The following DOCK10 variants were observed in gnomAD, a reference collection of about 807,000 sequenced individuals.
DOCK10 encodes the protein dedicator of cytokinesis 10.
DOCK10 carries 145 observed loss-of-function variants against 280.1 expected under a neutral mutation model. The observed-to-expected ratio is 0.52, with a 90% CI of 0.45 to 0.59. DOCK10 has a LOEUF of 0.59. Among genes scored for constraint, DOCK10 ranks in the 20% least tolerant of loss-of-function variants. The probability of loss-of-function intolerance (pLI) is 0.00; values close to 1 mark genes in which losing one functional copy is unlikely to be tolerated. For synonymous variants in DOCK10, 915 were observed against 942.2 expected, an observed-to-expected ratio of 0.97 and a Z score of 0.53; for missense variants, 2,368 against 2,651.7, an observed-to-expected ratio of 0.89 and a Z score of 2.35.
rs1690451349 is a variant in DOCK10, at chr2:225,042,181, G to A, written c.123+71C>T. On this transcript the variant is annotated intron_variant, in intron 1 of 55. Transcript: ENST00000258390. The surrounding 1 kb of genome is among the most constrained non-coding windows in gnomAD (Gnocchi z 5.1). ...GGGACCTGGGCCCGCCGAGCTTTTGGGGAAGCTGGGCTCCGTTCCCCCCGG... is the reference window on the plus strand; with the variant it reads ...GGGACCTGGGCCCGCCGAGCTTTTGAGGAAGCTGGGCTCCGTTCCCCCCGG... 8.2e-7 allele frequency: 1 copy of A among 1,215,200 alleles called. No individual in the cohort carries two copies. Among genetic ancestry groups the A allele is most frequent in the Non-Finnish European group, 1.0e-6 (1 of 976,756 alleles). 75.3% of individuals were successfully genotyped at this position (1,215,200 alleles called of 1,614,324 possible). A position where few individuals can be genotyped will look rare whatever the true frequency, so the allele number is the denominator to read the frequency against.
At chr2:224,954,440 A>C (rs1703930725) in intron 1 of DOCK10, among the ~76,000 whole-genome samples, 2 of 152,186 alleles carry the variant, frequency 1.3e-5, no homozygotes, top group South Asian at 4.1e-4. Context: ...GCATTTAGTT[A>C]ATCACCCTTT....
intron 1 of DOCK10, among the ~76,000 whole-genome samples, chr2:225,021,233 AC>A (rs1689776875): frequency 6.6e-6 from 1 of 152,316 alleles, no homozygotes; most frequent in South Asian, 2.1e-4. Context: ...CAAACAAAAA[AC>A]AAACAGAACC....
intron 31 of DOCK10, 58 bp downstream of exon 31, chr2:224,814,262 G>T: frequency 1.9e-6 from 2 of 1,048,686 alleles, no homozygotes; most frequent in Non-Finnish European, 2.7e-6. Flanking sequence ...ATTTATAGTT[G>T]TCAATATTAT....
chr2:224,854,840 TAACCAACCAACTAGCCAACC>T (rs1411528010), intron 16 of DOCK10, 103 bp downstream of exon 16: 18 of 637,960 alleles, frequency 2.8e-5, no homozygotes, highest in African/African-American at 2.0e-4. Context: ...CAAAACCTTG[TAACCAACCAACTAGCCAACC>T]AACCAACCAA....
intron 40 of DOCK10, among the ~76,000 whole-genome samples, chr2:224,801,155 G>C (rs1277849528): frequency 6.6e-6 from 1 of 151,840 alleles, no homozygotes; most frequent in East Asian, 1.9e-4. Context: ...GACTGAAAAA[G>C]GTGCCAGACT....
At chr2:224,972,646 A>G (rs1025209491) in intron 1 of DOCK10, among the ~76,000 whole-genome samples, 2 of 152,196 alleles carry the variant, frequency 1.3e-5, no homozygotes, top group African/African-American at 4.8e-5. Flanking sequence ...CTGAACTTAA[A>G]ATGCATTCTC....
At chr2:224,959,915 G>C (rs1466304915) in intron 1 of DOCK10, among the ~76,000 whole-genome samples, 1 of 152,094 alleles carries the variant, frequency 6.6e-6, no homozygotes, top group African/African-American at 2.4e-5. Flanking sequence ...TCATCTGCTG[G>C]AGAAAAAGGC....
At chr2:224,961,268 G>A (rs182473198) in intron 1 of DOCK10, among the ~76,000 whole-genome samples, 298 of 152,254 alleles carry the variant, frequency 2.0e-3, no homozygotes, top group Middle Eastern at 6.8e-3. Context: ...GAAATGCTGC[G>A]TTGAACAAAG....
At chr2:224,989,384 A>G (rs1706067344) in intron 1 of DOCK10, among the ~76,000 whole-genome samples, 1 of 152,236 alleles carries the variant, frequency 6.6e-6, no homozygotes, top group Non-Finnish European at 1.5e-5. Context: ...AGAAATGATT[A>G]GTGGAATGAA....
intron 3 of DOCK10, among the ~76,000 whole-genome samples, chr2:224,910,133 G>A (rs1057496597): frequency 4.6e-5 from 7 of 152,182 alleles, no homozygotes; most frequent in African/African-American, 1.7e-4. Context: ...ACAGTGAGCC[G>A]CAGGGCAATG....
intron 1 of DOCK10, among the ~76,000 whole-genome samples, chr2:225,014,159 T>A (rs1420769034): frequency 1.4e-5 from 2 of 145,300 alleles, no homozygotes; most frequent in South Asian, 2.3e-4. Flanking sequence ...TTTAGCTGAA[T>A]CAAAAGTCCC....
At chr2:224,834,012 C>T (rs1034086741) in intron 26 of DOCK10, 138 bp downstream of exon 26, 5 of 608,344 alleles carry the variant, frequency 8.2e-6, no homozygotes, top group Non-Finnish European at 1.5e-5. Flanking sequence ...TCTTTATATG[C>T]TAAGTTTCAA....
At chr2:224,839,136 T>C (rs1695783631) in intron 24 of DOCK10, among the ~76,000 whole-genome samples, 1 of 151,982 alleles carries the variant, frequency 6.6e-6, no homozygotes. Flanking sequence ...TGGAGTGCAG[T>C]GGTGCAATCT....
intron 11 of DOCK10, among the ~76,000 whole-genome samples, chr2:224,872,088 A>G (rs1244644278): frequency 2.6e-5 from 4 of 152,220 alleles, no homozygotes; most frequent in African/African-American, 7.2e-5. Context: ...CCTAGTACAC[A>G]GTCAAAGTTA....
At chr2:224,783,696 TC>T (rs1559391258) in intron 50 of DOCK10, among the ~76,000 whole-genome samples, 1 of 140,976 alleles carries the variant, frequency 7.1e-6, no homozygotes, top group African/African-American at 2.7e-5. Flanking sequence ...TTGCAAGGGC[TC>T]CCCCCAATAC....
chr2:224,980,773 AGCTGTGT>A (rs1427276706), intron 1 of DOCK10, among the ~76,000 whole-genome samples: 12 of 152,204 alleles, frequency 7.9e-5, no homozygotes, highest in African/African-American at 2.9e-4. Context: ...GGTATTTAGC[AGCTGTGT>A]AATGTTAAGA....
intron 22 of DOCK10, among the ~76,000 whole-genome samples, 159 bp downstream of exon 22, chr2:224,844,594 G>A (rs1455735090): frequency 6.6e-6 from 1 of 152,100 alleles, no homozygotes; most frequent in African/African-American, 2.4e-5. Flanking sequence ...TCTTGAGGGA[G>A]GCATCAAATT....
chr2:224,842,376 T>C (rs1211568388), intron 22 of DOCK10, among the ~76,000 whole-genome samples: 2 of 152,206 alleles, frequency 1.3e-5, no homozygotes, highest in African/African-American at 2.4e-5. Context: ...TATCTTAGGA[T>C]AGAACTGACT....
intron 1 of DOCK10, among the ~76,000 whole-genome samples, chr2:224,952,754 G>A (rs544503686): frequency 4.5e-4 from 68 of 151,668 alleles, no homozygotes; most frequent in Middle Eastern, 3.4e-3. Context: ...CACTACGCCC[G>A]GCTAATTTTT....
Sources: gnomAD v4.1 joint callset for allele counts (sites outside exome capture counted in the v4.1 genomes callset) on GRCh38, gnomAD v4.1.1 for gene constraint, Gnocchi (gnomAD v3.1) non-coding constraint, MANE v1.5 for transcripts, NCBI Gene and HGNC (gene_info 2026-07-23, HGNC 2026-07-21) for gene names.